The following SV2C variants were observed in gnomAD, a reference collection of about 807,000 sequenced individuals.
The protein encoded by SV2C is synaptic vesicle glycoprotein 2C.
SV2C carries 49 observed loss-of-function variants against 79.7 expected under a neutral mutation model. The observed-to-expected ratio is 0.61, with a 90% confidence interval of 0.49 to 0.78. SV2C has a LOEUF of 0.78. Among genes scored for constraint, SV2C ranks in the 30% least tolerant of loss-of-function variants. The pLI is 0.00. For synonymous variants in SV2C, 334 were observed against 333.2 expected, an observed-to-expected ratio of 1.00 and a Z score of -0.03; for missense variants, 833 against 912.9, an observed-to-expected ratio of 0.91 and a Z score of 1.13.
intron 12 of SV2C, among the ~76,000 whole-genome samples, chr5:76,303,877 G>C (rs1748097178): frequency 6.6e-6 from 1 of 152,218 alleles, no homozygotes; most frequent in Admixed American, 6.5e-5. Context: ...AAGTATGGGA[G>C]AGCTGCAATG....
chr5:75,866,719 G>A, the SV2C span, among the ~76,000 whole-genome samples: 2 of 152,194 alleles, frequency 1.3e-5, no homozygotes, highest in East Asian at 1.9e-4. Context: ...GATTTTTCTT[G>A]AAGAGGTTAT....
chr5:76,207,848 AAAAAT>A lies in SV2C; in HGVS notation c.762-1872_762-1868del, dbSNP rs144244772. ...TACTATCTGCATTCCATCAAAAAAT[AAAAAT>A]AAAATAAAATAAAATTCAACTAGCT... On this transcript the variant is annotated intron_variant, in intron 3 of 12. Transcript: ENST00000502798. Among the ~76,000 whole-genome samples the A allele has an allele frequency of 3.5e-3, 536 of 152,352 alleles. 3 individuals are homozygous for A. The highest frequency in any genetic ancestry group is 0.012 in the African/African-American group (518 of 41,578).
intron 1 of SV2C, among the ~76,000 whole-genome samples, chr5:76,116,269 T>C (rs1748263660): frequency 6.6e-6 from 1 of 152,234 alleles, no homozygotes; most frequent in Admixed American, 6.5e-5. Context: ...GTTGCATTTC[T>C]TTGTTTTGCT....
intron 2 of SV2C, among the ~76,000 whole-genome samples, chr5:76,165,451 T>G (rs1021885493): frequency 2.6e-5 from 4 of 152,182 alleles, no homozygotes; most frequent in African/African-American, 9.7e-5. Flanking sequence ...GGGTCCAGAT[T>G]GTTCCATCAC....
At chr5:76,247,888 G>A (rs1745991747) in intron 4 of SV2C, among the ~76,000 whole-genome samples, 1 of 152,060 alleles carries the variant, frequency 6.6e-6, no homozygotes, top group Non-Finnish European at 1.5e-5. Flanking sequence ...AAATAATAAG[G>A]CATGCAAAAG....
intron 12 of SV2C, among the ~76,000 whole-genome samples, chr5:76,339,320 T>C (rs1410618663): frequency 6.6e-6 from 1 of 152,230 alleles, no homozygotes; most frequent in Non-Finnish European, 1.5e-5. Flanking sequence ...GATTGCCTCT[T>C]CATTTTCATA....
At chr5:76,174,532 T>C (rs1198309944) in intron 2 of SV2C, among the ~76,000 whole-genome samples, 1 of 152,166 alleles carries the variant, frequency 6.6e-6, no homozygotes, top group African/African-American at 2.4e-5. Flanking sequence ...GCACTGCCAC[T>C]CCCACCTCGG....
chr5:75,861,019 G>A, the SV2C span, among the ~76,000 whole-genome samples: 1 of 152,054 alleles, frequency 6.6e-6, no homozygotes, highest in Non-Finnish European at 1.5e-5. Flanking sequence ...TCTGGACATT[G>A]GCCTTTGCAA....
chr5:75,950,580 T>A, the SV2C span, among the ~76,000 whole-genome samples: 1 of 152,020 alleles, frequency 6.6e-6, no homozygotes, highest in East Asian at 1.9e-4. Flanking sequence ...TTGGAAATAA[T>A]ATCTGGACTA....
At chr5:76,281,762 T>G (rs948110562) in intron 4 of SV2C, among the ~76,000 whole-genome samples, 2 of 152,208 alleles carry the variant, frequency 1.3e-5, no homozygotes, top group African/African-American at 4.8e-5. Context: ...CAAGTCTCTC[T>G]CCAAACTAAT....
chr5:75,876,646 A>T, the SV2C span, among the ~76,000 whole-genome samples: 1 of 152,114 alleles, frequency 6.6e-6, no homozygotes, highest in Non-Finnish European at 1.5e-5. Flanking sequence ...TTGTAAATTG[A>T]TAGGTGTAAT....
chr5:75,997,018 T>G, the SV2C span, among the ~76,000 whole-genome samples: 1 of 149,310 alleles, frequency 6.7e-6, no homozygotes, highest in African/African-American at 2.5e-5. Flanking sequence ...CTTCCAACAC[T>G]ATGTTGAATA....
chr5:76,199,664 A>G (rs913383015), intron 3 of SV2C, among the ~76,000 whole-genome samples: 6 of 152,254 alleles, frequency 3.9e-5, no homozygotes, highest in African/African-American at 1.2e-4. Context: ...TGTAAAAGAC[A>G]GTGGAGTTCA....
At chr5:75,896,436 G>T in the SV2C span, among the ~76,000 whole-genome samples, 3 of 143,704 alleles carry the variant, frequency 2.1e-5, no homozygotes, top group Non-Finnish European at 4.4e-5. Context: ...GTGTATATGT[G>T]CCACATTTTC....
At chr5:75,933,382 A>C in the SV2C span, among the ~76,000 whole-genome samples, 1 of 152,112 alleles carries the variant, frequency 6.6e-6, no homozygotes, top group Non-Finnish European at 1.5e-5. Flanking sequence ...TCTGTTTGCC[A>C]GTTTGTATCA....
At chr5:76,341,513 G>A (rs974818038) in intron 12 of SV2C, among the ~76,000 whole-genome samples, 1 of 152,158 alleles carries the variant, frequency 6.6e-6, no homozygotes, top group Non-Finnish European at 1.5e-5. Context: ...ACATTTCTCT[G>A]AGCTTTACAG....
At chr5:76,217,385 G>A (rs1744933918) in intron 4 of SV2C, among the ~76,000 whole-genome samples, 1 of 152,190 alleles carries the variant, frequency 6.6e-6, no homozygotes, top group Non-Finnish European at 1.5e-5. Context: ...TCAACAAGAA[G>A]GAAGAAGAAA....
the SV2C span, among the ~76,000 whole-genome samples, chr5:76,030,289 T>TTTTTTTTTTTTTTTTTTTTTTTA: frequency 3.4e-5 from 4 of 117,910 alleles, no homozygotes; most frequent in South Asian, 2.6e-4. Context: ...TTTTTTTTTT[T>TTTTTTTTTTTTTTTTTTTTTTTA]TTTATTTATT....
chr5:76,272,349 GC>G (rs1241410977), intron 4 of SV2C, among the ~76,000 whole-genome samples: 8 of 152,180 alleles, frequency 5.3e-5, no homozygotes, highest in Non-Finnish European at 1.0e-4. Context: ...TAAACAGAGA[GC>G]TTTTGTTGAT....
Sources: allele counts gnomAD v4.1 joint callset (sites outside exome capture counted in the v4.1 genomes callset), GRCh38; gene constraint gnomAD v4.1.1; transcripts MANE v1.5; gene names NCBI Gene and HGNC (gene_info 2026-07-23, HGNC 2026-07-21).